Variants in TBC1D5 observed in about 807,000 individuals in gnomAD.
The protein encoded by TBC1D5 is TBC1 domain family member 5.
Under a neutral mutation model 100.3 loss-of-function variants are expected in TBC1D5, and 75 were observed. That is an observed-to-expected ratio of 0.75 (90% CI 0.62 to 0.91). TBC1D5 has a LOEUF of 0.91. Ranked by LOEUF, TBC1D5 falls within the 40% of genes least tolerant of loss-of-function variation. The pLI is 0.00. For missense variants in TBC1D5, 910 were observed against 942.4 expected, an observed-to-expected ratio of 0.97 and a Z score of 0.45; for synonymous variants, 323 against 325.6, an observed-to-expected ratio of 0.99 and a Z score of 0.09.
At chr3:17,720,942 C>T (rs1301003595) in intron 1 of TBC1D5, among the ~76,000 whole-genome samples, 2 of 151,836 alleles carry the variant, frequency 1.3e-5, no homozygotes, top group South Asian at 2.1e-4. Context: ...TGGGTTCAAG[C>T]GATTCTCCTG....
intron 2 of TBC1D5, among the ~76,000 whole-genome samples, chr3:17,572,435 C>CCTCT (rs143971206): frequency 1.3e-5 from 2 of 150,914 alleles, no homozygotes; most frequent in Admixed American, 6.6e-5. Flanking sequence ...ATAACATCAA[C>CCTCT]CTCTCTCTCT....
chr3:17,611,638 G>C (rs944610955), intron 2 of TBC1D5, among the ~76,000 whole-genome samples: 6 of 152,210 alleles, frequency 3.9e-5, no homozygotes, highest in Non-Finnish European at 5.9e-5. Flanking sequence ...AGTCTCAATA[G>C]CAACTTTAGT....
chr3:17,224,240 G>A (rs2074600969), intron 17 of TBC1D5, among the ~76,000 whole-genome samples: 1 of 152,152 alleles, frequency 6.6e-6, no homozygotes, highest in Non-Finnish European at 1.5e-5. Context: ...AGCTAGCACA[G>A]TGCCTGCACA....
chr3:17,415,177 GAC>G (rs2094033871), intron 4 of TBC1D5, among the ~76,000 whole-genome samples: 1 of 152,014 alleles, frequency 6.6e-6, no homozygotes, highest in South Asian at 2.1e-4. Flanking sequence ...TATTTTTTGA[GAC>G]AGAGTCTCAC....
chr3:17,459,564 A>G (rs143121984), intron 3 of TBC1D5, among the ~76,000 whole-genome samples: 61 of 152,284 alleles, frequency 4.0e-4, no homozygotes, highest in African/African-American at 1.4e-3. Context: ...ATATTGCACC[A>G]TTACATATTT....
chr3:17,324,206 C>A (rs936272781), intron 13 of TBC1D5, among the ~76,000 whole-genome samples: 1 of 152,132 alleles, frequency 6.6e-6, no homozygotes, highest in Non-Finnish European at 1.5e-5. Flanking sequence ...AACGATTGTA[C>A]AACGCCTTGA....
At chr3:17,289,394 T>C (rs565203357) in intron 15 of TBC1D5, among the ~76,000 whole-genome samples, 1 of 151,266 alleles carries the variant, frequency 6.6e-6, no homozygotes, top group South Asian at 2.1e-4. Flanking sequence ...GCTGGCAGAG[T>C]GACTGAGAGA....
At chr3:17,713,617 A>G (rs2074966077) in intron 1 of TBC1D5, among the ~76,000 whole-genome samples, 1 of 152,204 alleles carries the variant, frequency 6.6e-6, no homozygotes, top group Admixed American at 6.5e-5. Context: ...AGAATGGGGG[A>G]AAAATGTTTC....
intron 8 of TBC1D5, among the ~76,000 whole-genome samples, chr3:17,394,384 T>C (rs1286783532): frequency 3.3e-5 from 5 of 152,094 alleles, no homozygotes; most frequent in Admixed American, 1.3e-4. Context: ...AAGTCCCAGG[T>C]ACCATTTCCA....
At chr3:17,386,517 A>C (rs1022401187) in intron 8 of TBC1D5, among the ~76,000 whole-genome samples, 3 of 152,148 alleles carry the variant, frequency 2.0e-5, no homozygotes, top group African/African-American at 7.2e-5. Context: ...CGTGAACTAT[A>C]ACAAGTGGAG....
chr3:17,251,054 A>C, intron 16 of TBC1D5, among the ~76,000 whole-genome samples: 1 of 152,208 alleles, frequency 6.6e-6, no homozygotes, highest in East Asian at 1.9e-4. Flanking sequence ...CACTGGTAAA[A>C]GTGCCTGTAT....
At chr3:17,188,759 C>T (rs940230332) in intron 18 of TBC1D5, among the ~76,000 whole-genome samples, 2 of 152,166 alleles carry the variant, frequency 1.3e-5, no homozygotes, top group African/African-American at 4.8e-5. Context: ...TTTTCTCATC[C>T]TCCACACTCC....
intron 2 of TBC1D5, among the ~76,000 whole-genome samples, chr3:17,545,198 T>C (rs2096402998): frequency 6.6e-6 from 1 of 152,144 alleles, no homozygotes; most frequent in South Asian, 2.1e-4. Context: ...AGATAGGGCC[T>C]TTACAGCAAA....
chr3:17,424,588 C>T (rs924704916), intron 4 of TBC1D5, among the ~76,000 whole-genome samples: 46 of 152,282 alleles, frequency 3.0e-4, no homozygotes, highest in Admixed American at 2.0e-3. Context: ...TCCATTTTAA[C>T]GCATCATCTG....
intron 3 of TBC1D5, chr3:17,465,298 G>T: frequency 1.2e-5 from 2 of 168,886 alleles, no homozygotes; most frequent in South Asian, 3.1e-4. Context: ...TGTCATGAGG[G>T]AGAGGGGAAC....
At chr3:17,584,868 G>C (rs1292271741) in intron 2 of TBC1D5, among the ~76,000 whole-genome samples, 2 of 152,168 alleles carry the variant, frequency 1.3e-5, no homozygotes, top group African/African-American at 4.8e-5. Flanking sequence ...ATGTTGGCCA[G>C]GCTGTTCTCG....
intron 2 of TBC1D5, among the ~76,000 whole-genome samples, chr3:17,615,494 G>A (rs1017543234): frequency 6.6e-6 from 1 of 152,276 alleles, no homozygotes; most frequent in Non-Finnish European, 1.5e-5. Flanking sequence ...GTAGAATTCA[G>A]CTGTGAATCC....
chr3:17,459,150 G>A (rs2095151919), intron 3 of TBC1D5, among the ~76,000 whole-genome samples: 1 of 152,184 alleles, frequency 6.6e-6, no homozygotes, highest in African/African-American at 2.4e-5. Context: ...ATATAAGTAA[G>A]ATAAAGACTT....
intron 3 of TBC1D5, among the ~76,000 whole-genome samples, chr3:17,506,247 C>T (rs1216346233): frequency 6.6e-6 from 1 of 152,034 alleles, no homozygotes; most frequent in African/African-American, 2.4e-5. Context: ...ACACATTTTC[C>T]TGTAAAAAGA....
Sources: allele counts gnomAD v4.1 joint callset (sites outside exome capture counted in the v4.1 genomes callset), GRCh38; gene constraint gnomAD v4.1.1; transcripts MANE v1.5; gene names NCBI Gene and HGNC (gene_info 2026-07-23, HGNC 2026-07-21).